The following MARCHF1 variants were observed in gnomAD, a reference collection of about 807,000 sequenced individuals.
The protein encoded by MARCHF1 is membrane associated ring-CH-type finger 1, also known as E3 ubiquitin-protein ligase MARCHF1.
In MARCHF1, 40 loss-of-function variants were observed where a neutral mutation model predicts 54.2. The ratio of observed to expected loss-of-function variants is 0.74; its 90% CI spans 0.57 to 0.96. MARCHF1 has a LOEUF of 0.96. Ranked by LOEUF, MARCHF1 falls within the 40% of genes least tolerant of loss-of-function variation. The pLI is 0.00. For missense variants in MARCHF1, 586 were observed against 656.5 expected (o/e 0.89, Z 1.17); for synonymous variants, 236 against 236.3 (o/e 1.00, Z 0.01).
chr4:164,083,483 T>A (rs1182205204), intron 2 of MARCHF1, among the ~76,000 whole-genome samples: 1 of 152,090 alleles, frequency 6.6e-6, no homozygotes, highest in Non-Finnish European at 1.5e-5. Flanking sequence ...AACAAGGGCT[T>A]GGTCCCAATT....
chr4:164,183,641 A>G (rs1730890978), intron 1 of MARCHF1, among the ~76,000 whole-genome samples: 1 of 152,176 alleles, frequency 6.6e-6, no homozygotes. Context: ...TTGGAGCCAA[A>G]ATTATTCCAG....
intron 4 of MARCHF1, among the ~76,000 whole-genome samples, chr4:163,739,713 T>C (rs1746143056): frequency 6.6e-6 from 1 of 152,250 alleles, no homozygotes; most frequent in African/African-American, 2.4e-5. Flanking sequence ...TTTTCAGTTA[T>C]ATTTAATCAC....
At chr4:164,254,474 C>T (rs1279263546) in intron 1 of MARCHF1, among the ~76,000 whole-genome samples, 1 of 151,148 alleles carries the variant, frequency 6.6e-6, no homozygotes, top group Admixed American at 6.6e-5. Flanking sequence ...ATAGTTTACA[C>T]ACACATAGTG....
At chr4:164,009,702 A>T (rs2110938913) in intron 2 of MARCHF1, among the ~76,000 whole-genome samples, 1 of 152,304 alleles carries the variant, frequency 6.6e-6, no homozygotes, top group East Asian at 1.9e-4. Flanking sequence ...CCATGTGATT[A>T]TTGCAATAGA....
At chr4:163,687,498 G>GA (rs1744306539) in intron 5 of MARCHF1, among the ~76,000 whole-genome samples, 1 of 152,024 alleles carries the variant, frequency 6.6e-6, no homozygotes, top group Admixed American at 6.6e-5. Context: ...GATCTTTGCT[G>GA]AAAAAATAAA....
At position 164,194,688 on chromosome 4, in the gene MARCHF1, G is replaced by T. The variant is rs768552089; in HGVS notation, c.-322-83026C>A. Among the ~76,000 whole-genome samples the T allele has an allele frequency of 2.5e-4, 38 of 151,892 alleles. 1 individual carries two copies. Among genetic ancestry groups the T allele is most frequent in the Non-Finnish European group, 7.4e-5 (5 of 67,966 alleles). The stretch of plus-strand genomic sequence containing the variant: ...GCATTTAATGGATTTTCAAAAGGGA[G>T]AAAAGCATGGTTTTAACTATTTGAT... On this transcript the variant is annotated intron_variant, in intron 1 of 9. Transcript: ENST00000514618.
At chr4:164,201,306 G>A (rs11735461) in intron 1 of MARCHF1, among the ~76,000 whole-genome samples, 57,044 of 151,836 alleles carry the variant, frequency 0.38, 12,484 homozygotes, top group Non-Finnish European at 0.5. Context: ...TGCAACCTCC[G>A]CCTCCCAGGT....
chr4:163,642,401 A>T lies in MARCHF1; in HGVS notation c.163-29008T>A, dbSNP rs573993481. Reference sequence around the variant, plus strand: ...GATATTTTCTGTAGAGTAGCAGATTACCTGAATTTACTTTCCAATTAATAT... The same window carrying T: ...GATATTTTCTGTAGAGTAGCAGATTTCCTGAATTTACTTTCCAATTAATAT... On this transcript the variant is annotated intron_variant, in intron 5 of 9. Coordinates refer to ENST00000514618, the MANE Select transcript of MARCHF1 (RefSeq NM_001394959.1). Among the ~76,000 whole-genome samples, 5 of 152,302 alleles carry T rather than the reference A, an allele frequency of 3.3e-5. No individual in the cohort carries two copies. The East Asian group carries it at 9.6e-4, about 29-fold the overall frequency.
chr4:163,751,133 TTG>T (rs70948664), intron 4 of MARCHF1, among the ~76,000 whole-genome samples: 20,387 of 147,046 alleles, frequency 0.14, 1,823 homozygotes, highest in African/African-American at 0.25. Flanking sequence ...TATTACCACT[TTG>T]TGTGTGTGTG....
At chr4:163,901,676 C>T (rs532415323) in intron 3 of MARCHF1, among the ~76,000 whole-genome samples, 2 of 152,302 alleles carry the variant, frequency 1.3e-5, no homozygotes, top group African/African-American at 2.4e-5. Flanking sequence ...TAAAGATTTA[C>T]AGCAGGAATG....
intron 9 of MARCHF1, among the ~76,000 whole-genome samples, chr4:163,538,354 A>T (rs1224716432): frequency 6.6e-6 from 1 of 152,026 alleles, no homozygotes; most frequent in African/African-American, 2.4e-5. Context: ...CACACACACA[A>T]ATCCCCCACA....
At chr4:164,361,732 A>C (rs1730728779) in intron 1 of MARCHF1, among the ~76,000 whole-genome samples, 1 of 152,172 alleles carries the variant, frequency 6.6e-6, no homozygotes, top group African/African-American at 2.4e-5. Context: ...TTCATTTTAA[A>C]CATGTACAAT....
At chr4:164,140,989 G>A (rs1158428631) in intron 1 of MARCHF1, among the ~76,000 whole-genome samples, 1 of 152,174 alleles carries the variant, frequency 6.6e-6, no homozygotes, top group Non-Finnish European at 1.5e-5. Context: ...TACCCCACGT[G>A]TTGAGAGGTT....
intron 1 of MARCHF1, among the ~76,000 whole-genome samples, chr4:164,117,782 C>A (rs1483596810): frequency 6.6e-6 from 1 of 151,916 alleles, no homozygotes; most frequent in Admixed American, 6.6e-5. Flanking sequence ...CACCTGTAAT[C>A]TCAGCTACTC....
chr4:163,584,749 T>C lies in MARCHF1; in HGVS notation c.1191+1000A>G, dbSNP rs551976708. On this transcript the variant is annotated intron_variant, in intron 8 of 9. Transcript: ENST00000514618. Reference sequence around the variant, plus strand: ...GCCAGCAATCAGATATGTGCTAGAATATTCTTATTTGCATTTCAACTCTGC... The same window carrying C: ...GCCAGCAATCAGATATGTGCTAGAACATTCTTATTTGCATTTCAACTCTGC... The C allele has an allele frequency of 1.4e-4, 21 of 152,366 alleles. 1 individual carries two copies. Among genetic ancestry groups the C allele is most frequent in the Admixed American group, 1.2e-3 (18 of 15,308 alleles). The allele number at this position is 152,366 out of a possible 1,614,324, so 9.4% of individuals were successfully genotyped here. A position where few individuals can be genotyped will look rare whatever the true frequency, so the allele number is the denominator to read the frequency against.
chr4:164,013,526 C>A (rs1753470958), intron 2 of MARCHF1, among the ~76,000 whole-genome samples: 1 of 151,734 alleles, frequency 6.6e-6, no homozygotes, highest in South Asian at 2.1e-4. Flanking sequence ...TATGAGTAGC[C>A]AAGTACAAGA....
At chr4:163,667,798 T>G (rs977320638) in intron 5 of MARCHF1, among the ~76,000 whole-genome samples, 8 of 152,062 alleles carry the variant, frequency 5.3e-5, no homozygotes, top group Non-Finnish European at 7.4e-5. Context: ...GCTAATTTTT[T>G]GTAATTTTAG....
At chr4:163,893,147 A>AT (rs1400852249) in intron 3 of MARCHF1, among the ~76,000 whole-genome samples, 29 of 151,246 alleles carry the variant, frequency 1.9e-4, no homozygotes, top group Admixed American at 7.3e-4. Flanking sequence ...CTTTAAAAAA[A>AT]ATTTTTTTTT....
chr4:163,767,422 C>T (rs1038186782), intron 4 of MARCHF1, among the ~76,000 whole-genome samples: 4 of 152,180 alleles, frequency 2.6e-5, no homozygotes, highest in South Asian at 2.1e-4. Context: ...CAAGCTCCCC[C>T]TCCTGGGTTC....
Sources: allele counts gnomAD v4.1 joint callset (sites outside exome capture counted in the v4.1 genomes callset), GRCh38; gene constraint gnomAD v4.1.1; transcripts MANE v1.5; gene names NCBI Gene and HGNC (gene_info 2026-07-23, HGNC 2026-07-21).